Variants in IDNK observed in about 807,000 individuals in gnomAD.
IDNK encodes IDNK gluconokinase.
In IDNK, 9 loss-of-function variants were observed where a neutral mutation model predicts 13.0. The observed-to-expected ratio is 0.69, with a 90% CI of 0.42 to 1.21. IDNK has a LOEUF of 1.21. IDNK is among the 50% of genes most tolerant of loss of function. The pLI is 0.00. For missense variants in IDNK, 210 were observed against 237.8 expected (o/e 0.88, Z 0.77); for synonymous variants, 92 against 94.9 (o/e 0.97, Z 0.18).
chr9:83,638,247 T>C (rs1831214140), intron 3 of IDNK, among the ~76,000 whole-genome samples: 1 of 151,698 alleles, frequency 6.6e-6, no homozygotes, highest in African/African-American at 2.4e-5. Context: ...TAGAATCAAA[T>C]GGAAGACAAG....
intron 3 of IDNK, 58 bp from the exon 4 acceptor site, chr9:83,641,490 A>T: frequency 6.3e-7 from 1 of 1,582,220 alleles, no homozygotes; most frequent in Non-Finnish European, 8.7e-7. Context: ...TTCTCTACAA[A>T]CAAACAATAC....
chr9:83,628,670 T>A (rs1165508289), intron 2 of IDNK, among the ~76,000 whole-genome samples: 1 of 147,738 alleles, frequency 6.8e-6, no homozygotes, highest in Non-Finnish European at 1.5e-5. Context: ...AAAAAAGTAA[T>A]GAATTAAAGG....
At chr9:83,642,089 G>C (rs764864610) in intron 4 of IDNK, among the ~76,000 whole-genome samples, 9 of 152,152 alleles carry the variant, frequency 5.9e-5, no homozygotes, top group Non-Finnish European at 1.2e-4. Flanking sequence ...TGAGTGAACA[G>C]GTAATTAGCC....
intron 1 of IDNK, chr9:83,626,762 A>C (rs1587603023): frequency 8.4e-7 from 1 of 1,185,760 alleles, no homozygotes; most frequent in Non-Finnish European, 1.1e-6. Context: ...TTCTGGCTTC[A>C]CCAGCCATGG....
chr9:83,623,089 G>A (rs1198469913), upstream of IDNK: 7 of 1,171,150 alleles, frequency 6.0e-6, no homozygotes, highest in African/African-American at 4.9e-5. Context: ...CGGCCGGGGC[G>A]AGAGCGGCTC....
chr9:83,628,326 C>T (rs979263038), intron 2 of IDNK, 115 bp downstream of exon 2: 12 of 928,520 alleles, frequency 1.3e-5, no homozygotes, highest in South Asian at 4.2e-5. Flanking sequence ...TTGAACCCCA[C>T]TGGAGCAATT....
intron 3 of IDNK, 88 bp downstream of exon 3, chr9:83,629,047 G>A (rs1430196835): frequency 3.0e-6 from 3 of 1,010,662 alleles, no homozygotes; most frequent in African/African-American, 1.6e-5. Context: ...TAGAGTTCGT[G>A]AGTCCTAAGG....
rs1280946184 is a variant in IDNK, at chr9:83,641,560, T to C, written c.181T>C (p.Trp61Arg). ...TTGTTTTTTTCAGGACCGGATTCCA[T>C]GGCTCTGTAACTTGCATGACATTTT... ...IPLNDQDRIP[W>R]LCNLHDILLR... The change falls in exon 4 of 5, where the codon TGG (tryptophan) becomes CGG (arginine). Residue 61 changes from tryptophan to arginine, a missense_variant. By Grantham distance (101) the Trp-to-Arg change is moderately radical. Coordinates refer to ENST00000376419, the MANE Select transcript of IDNK (RefSeq NM_001001551.4). 7 of 1,614,110 alleles carry C rather than the reference T, an allele frequency of 4.3e-6. No individual in the cohort carries two copies. Among genetic ancestry groups the C allele is most frequent in the Middle Eastern group, 1.6e-4 (1 of 6,062 alleles).
chr9:83,631,451 G>GAAAAACAA (rs1831011194), intron 3 of IDNK, among the ~76,000 whole-genome samples: 1 of 56,946 alleles, frequency 1.8e-5, no homozygotes, highest in Non-Finnish European at 3.0e-5. Context: ...TACAAAAACT[G>GAAAAACAA]AAAAAAAAAA....
Position 83,630,121 on chromosome 9 carries a change from C to A in IDNK, c.168+1162C>A, listed in dbSNP as rs984420570. On this transcript the variant is annotated intron_variant, in intron 3 of 4. Coordinates refer to ENST00000376419, the MANE Select transcript of IDNK (RefSeq NM_001001551.4). Reference sequence around the variant, plus strand: ...TCACCCCCAGGTGTCCTTTCCCTAGCTCACTGTCTTTTTCTTTTTTGTGCC... The same window carrying A: ...TCACCCCCAGGTGTCCTTTCCCTAGATCACTGTCTTTTTCTTTTTTGTGCC... Among the ~76,000 whole-genome samples, 5 of 152,228 alleles carry A rather than the reference C, an allele frequency of 3.3e-5. No homozygotes were observed. In the East Asian group the frequency reaches 9.6e-4, roughly 29 times the overall value.
chr9:83,631,736 G>A (rs1033742327), intron 3 of IDNK, among the ~76,000 whole-genome samples: 28 of 152,140 alleles, frequency 1.8e-4, no homozygotes, highest in Admixed American at 4.6e-4. Flanking sequence ...GGACAGCACA[G>A]CTATAGAACA....
At chr9:83,640,993 C>T (rs1356258055) in intron 3 of IDNK, among the ~76,000 whole-genome samples, 1 of 152,126 alleles carries the variant, frequency 6.6e-6, no homozygotes, top group Non-Finnish European at 1.5e-5. Flanking sequence ...TCAGGATTTG[C>T]GCCAGGAAGG....
intron 2 of IDNK, 68 bp downstream of exon 2, chr9:83,628,279 C>T: frequency 7.4e-7 from 1 of 1,349,492 alleles, no homozygotes; most frequent in Non-Finnish European, 1.0e-6. Context: ...TGCATCTCTG[C>T]CTTTTTTCTG....
At chr9:83,638,281 G>T (rs1158457712) in intron 3 of IDNK, among the ~76,000 whole-genome samples, 1 of 151,928 alleles carries the variant, frequency 6.6e-6, no homozygotes, top group Non-Finnish European at 1.5e-5. Context: ...GAAAAAGAAT[G>T]AAATAAAAAT....
intron 3 of IDNK, among the ~76,000 whole-genome samples, chr9:83,631,891 G>A (rs1175929764): frequency 6.6e-6 from 1 of 152,046 alleles, no homozygotes; most frequent in Non-Finnish European, 1.5e-5. Flanking sequence ...CCAGCCCACA[G>A]TGTCCTATCT....
chr9:83,633,782 G>C (rs1441804369), intron 3 of IDNK, among the ~76,000 whole-genome samples: 1 of 152,204 alleles, frequency 6.6e-6, no homozygotes, highest in Non-Finnish European at 1.5e-5. Context: ...ACAGCAAAGG[G>C]AGTCTTTCTA....
At position 83,643,920 on chromosome 9, in the gene IDNK, T is replaced by C; in HGVS notation, c.*140T>C. On this transcript the variant is annotated 3_prime_UTR_variant, in exon 5 of 5. Transcript: ENST00000376419. ...CCCAATGTGTCAAGACAGACTTGTT[T>C]AGGTGTAATTTTAGGAATTATGCTG... The C allele has an allele frequency of 1.5e-5, 9 of 605,282 alleles. No individual in the cohort carries two copies. In the South Asian group the frequency reaches 1.8e-4, roughly 12 times the overall value. The allele number at this position is 605,282 out of a possible 1,614,324, so 37.5% of individuals were successfully genotyped here. A position where few individuals can be genotyped will look rare whatever the true frequency, so the allele number is the denominator to read the frequency against.
chr9:83,631,642 A>G (rs138200620), intron 3 of IDNK, among the ~76,000 whole-genome samples: 1 of 152,016 alleles, frequency 6.6e-6, no homozygotes, highest in East Asian at 1.9e-4. Flanking sequence ...ATTAAAATAG[A>G]TAAAATGTAA....
intron 3 of IDNK, among the ~76,000 whole-genome samples, chr9:83,629,521 C>T (rs1830955437): frequency 1.3e-5 from 2 of 152,224 alleles, no homozygotes; most frequent in Admixed American, 1.3e-4. Context: ...TCCACAGGAG[C>T]TCCCTGGCCT....
Sources: gnomAD v4.1 joint callset for allele counts (sites outside exome capture counted in the v4.1 genomes callset) on GRCh38, gnomAD v4.1.1 for gene constraint, MANE v1.5 for transcripts, NCBI Gene and HGNC (gene_info 2026-07-23, HGNC 2026-07-21) for gene names.